GRTP1: variants seen among roughly 807,000 people sequenced by gnomAD.
The protein encoded by GRTP1 is growth hormone-regulated TBC protein 1.
In GRTP1, 56 loss-of-function variants were observed where a neutral mutation model predicts 38.1. That is an observed-to-expected ratio of 1.47 (90% confidence interval 1.19 to 1.84). GRTP1 has a LOEUF of 1.84. Ranked by LOEUF, GRTP1 falls within the 40% of genes most tolerant of loss-of-function variation. GRTP1 has a pLI of 0.00. For synonymous variants in GRTP1, 217 were observed against 189.5 expected, an observed-to-expected ratio of 1.14 and a Z score of -1.19; for missense variants, 506 against 453.9, an observed-to-expected ratio of 1.11 and a Z score of -1.04.
At chr13:113,350,288 C>A (rs1480364126) in intron 4 of GRTP1, among the ~76,000 whole-genome samples, 1 of 152,094 alleles carries the variant, frequency 6.6e-6, no homozygotes, top group Non-Finnish European at 1.5e-5. Context: ...CTCCGGGAGG[C>A]GCAAGGACTC....
chr13:113,329,522 T>G (rs889307980), intron 5 of GRTP1, among the ~76,000 whole-genome samples: 1 of 152,184 alleles, frequency 6.6e-6, no homozygotes. Context: ...AGATGAAGGT[T>G]GCAGTGAGCC....
Position 113,325,692 on chromosome 13 carries a change from C to T in GRTP1, c.890G>A (p.Ser297Asn), listed in dbSNP as rs556818909. 197 of 1,614,238 alleles carry T rather than the reference C, an allele frequency of 1.2e-4. No individual in the cohort carries two copies. In the South Asian group the frequency reaches 2.0e-3, roughly 16 times the overall value. ...CDKFKQITKG[S>N]FVMECHTFMQ... ...AAACGTGTGACACTCCATCACGAAA[C>T]TCCCTTTGGTTATCTGCTTAAACTT... Residue 297 changes from serine (S) to asparagine (N), a missense_variant, in exon 7 of 8, where the codon AGT becomes AAT. Ser to Asn is a conservative substitution (Grantham distance 46). Coordinates refer to ENST00000375431, the MANE Select transcript of GRTP1 (RefSeq NM_024719.4).
chr13:113,332,299 G>A (rs1278716476), intron 5 of GRTP1, among the ~76,000 whole-genome samples: 2 of 30,234 alleles, frequency 6.6e-5, no homozygotes, highest in African/African-American at 1.6e-4. Context: ...CACACCACAC[G>A]TGCACACGCA....
In GRTP1 at chr13:113,349,799, C is replaced by A. The variant is rs1039522517; in HGVS notation, c.465+1050G>T. Among the ~76,000 whole-genome samples the A allele has an allele frequency of 6.6e-6, 1 of 152,210 alleles. No individual in the cohort carries two copies. Among genetic ancestry groups the A allele is most frequent in the Non-Finnish European group, 1.5e-5 (1 of 68,036 alleles). ...CTCCACACTCCTCCAAACGTTCACTCAAACTGCATTTTCTGGTTGGTGCAC... is the reference window on the plus strand; with the variant it reads ...CTCCACACTCCTCCAAACGTTCACTAAAACTGCATTTTCTGGTTGGTGCAC... On this transcript the variant is annotated intron_variant, in intron 4 of 7. Transcript: ENST00000375431. The surrounding 1 kb of genome is among the most constrained non-coding windows in gnomAD (Gnocchi z 5.0).
Position 113,348,110 on chromosome 13 carries a change from C to T in GRTP1, c.465+2739G>A, listed in dbSNP as rs1306229963. Among the ~76,000 whole-genome samples, 1 of 152,112 alleles carries T rather than the reference C, an allele frequency of 6.6e-6. No individual in the cohort carries two copies. Among genetic ancestry groups the T allele is most frequent in the Non-Finnish European group, 1.5e-5 (1 of 68,026 alleles). On this transcript the variant is annotated intron_variant, in intron 4 of 7. Coordinates refer to ENST00000375431, the MANE Select transcript of GRTP1 (RefSeq NM_024719.4). The surrounding 1 kb of genome is among the most constrained non-coding windows in gnomAD (Gnocchi z 4.8). ...CAGTGCTACTGGACCTGGGAGAGGG[C>T]GACCATGTGGACAGTGTGGACACAT...
chr13:113,356,271 T>C (rs1244315318), intron 2 of GRTP1, among the ~76,000 whole-genome samples: 1 of 152,158 alleles, frequency 6.6e-6, no homozygotes, highest in Non-Finnish European at 1.5e-5. Context: ...TATTTTATTT[T>C]ATTTTATTTT....
chr13:113,338,907 G>C (rs1028323235), intron 5 of GRTP1, among the ~76,000 whole-genome samples: 1 of 109,344 alleles, frequency 9.1e-6, no homozygotes, highest in Non-Finnish European at 1.8e-5. Flanking sequence ...TTTCTGCTTA[G>C]ATTTTTTTTT....
intron 4 of GRTP1, among the ~76,000 whole-genome samples, chr13:113,346,135 A>T (rs1426520854): frequency 2.1e-5 from 3 of 142,994 alleles, no homozygotes; most frequent in Admixed American, 7.0e-5. Context: ...TCTGTGGACA[A>T]GAGCAGACCC....
intron 5 of GRTP1, among the ~76,000 whole-genome samples, chr13:113,335,239 G>A (rs2042938622): frequency 6.6e-6 from 1 of 151,998 alleles, no homozygotes. Context: ...TTTGATACAG[G>A]CATTCAATGT....
intron 5 of GRTP1, among the ~76,000 whole-genome samples, chr13:113,328,101 T>C (rs1042592051): frequency 1.8e-4 from 28 of 152,160 alleles, no homozygotes; most frequent in African/African-American, 6.3e-4. Flanking sequence ...GGCTCATCCC[T>C]CAGGCTGAGG....
chr13:113,336,168 G>A (rs542132803), intron 5 of GRTP1, among the ~76,000 whole-genome samples: 14 of 152,072 alleles, frequency 9.2e-5, no homozygotes, highest in East Asian at 3.9e-4. Context: ...ATCCATCTGC[G>A]GTCAGACACC....
chr13:113,325,595 G>T (rs1199971431), intron 7 of GRTP1, 66 bp downstream of exon 7: 1 of 1,611,578 alleles, frequency 6.2e-7, no homozygotes, highest in Non-Finnish European at 8.5e-7. Context: ...GGTCAGAGCA[G>T]CCCCCGGGCT....
At chr13:113,332,994 T>C (rs138462203) in intron 5 of GRTP1, among the ~76,000 whole-genome samples, 35 of 152,308 alleles carry the variant, frequency 2.3e-4, no homozygotes, top group Middle Eastern at 3.4e-3. Flanking sequence ...CAGACGCCAA[T>C]TTATTATTTT....
intron 5 of GRTP1, among the ~76,000 whole-genome samples, chr13:113,332,831 C>G (rs2042896790): frequency 1.3e-5 from 2 of 152,232 alleles, no homozygotes; most frequent in South Asian, 4.1e-4. Flanking sequence ...ACATTCACAT[C>G]CACAGGACTC....
At position 113,329,291 on chromosome 13, in the gene GRTP1, G is replaced by A. The variant is rs372945523; in HGVS notation, c.563-3200C>T. Among the ~76,000 whole-genome samples the A allele has an allele frequency of 6.4e-4, 98 of 152,126 alleles. 1 individual carries two copies. The highest frequency in any genetic ancestry group is 2.1e-4 in the Non-Finnish European group (14 of 68,024). ...ATTGGGAGAGAGCTTAAAAATTACC[G>A]CATTGGCCGGGTGCAGTGGCTCACA... On this transcript the variant is annotated intron_variant, in intron 5 of 7. Transcript: ENST00000375431.
intron 5 of GRTP1, among the ~76,000 whole-genome samples, chr13:113,336,309 T>TTTC (rs1198776461): frequency 9.2e-5 from 14 of 151,614 alleles, no homozygotes; most frequent in Non-Finnish European, 2.1e-4. Context: ...TTTTTTTTTT[T>TTTC]TTTTTTAAGG....
At chr13:113,353,656 G>A (rs2043327090) in intron 3 of GRTP1, among the ~76,000 whole-genome samples, 1 of 152,108 alleles carries the variant, frequency 6.6e-6, no homozygotes, top group Admixed American at 6.5e-5. Flanking sequence ...CGCACAGCGG[G>A]ATTGCCAGGG....
At chr13:113,357,780 C>T (rs183067690) in intron 2 of GRTP1, among the ~76,000 whole-genome samples, 2 of 152,284 alleles carry the variant, frequency 1.3e-5, no homozygotes, top group East Asian at 3.9e-4. Context: ...AGTCCCAGCA[C>T]AGGCAAGGAC....
chr13:113,350,783 G>T, intron 4 of GRTP1, 66 bp downstream of exon 4: 1 of 1,404,764 alleles, frequency 7.1e-7, no homozygotes, highest in Non-Finnish European at 9.6e-7. Context: ...TCACTGCCGA[G>T]CCTGCAGCTG....
Sources: gnomAD v4.1 joint callset for allele counts (sites outside exome capture counted in the v4.1 genomes callset) on GRCh38, gnomAD v4.1.1 for gene constraint, Gnocchi (gnomAD v3.1) non-coding constraint, MANE v1.5 for transcripts, NCBI Gene and HGNC (gene_info 2026-07-23, HGNC 2026-07-21) for gene names.